PITPNC1: variants seen among roughly 807,000 people sequenced by gnomAD.
PITPNC1 encodes the protein phosphatidylinositol transfer protein cytoplasmic 1.
A neutral mutation model predicts 44.7 loss-of-function variants in PITPNC1; 18 were observed. The ratio of observed to expected loss-of-function variants is 0.40; its 90% CI spans 0.28 to 0.60. The LOEUF (loss-of-function observed/expected upper bound fraction) is 0.60, where lower values mean the gene tolerates loss of function less well. PITPNC1 is among the 20% of genes least tolerant of loss of function. The pLI is 0.39. For missense variants in PITPNC1, 290 were observed against 418.4 expected, an observed-to-expected ratio of 0.69 and a Z score of 2.68; for synonymous variants, 141 against 149.6, an observed-to-expected ratio of 0.94 and a Z score of 0.42.
intron 1 of PITPNC1, among the ~76,000 whole-genome samples, chr17:67,378,556 G>T (rs1452995454): frequency 6.6e-6 from 1 of 152,162 alleles, no homozygotes; most frequent in African/African-American, 2.4e-5. Context: ...GCTGGGGTTT[G>T]GGGGGCATCC....
At chr17:67,657,273 T>TA (rs1247358857) in intron 6 of PITPNC1, among the ~76,000 whole-genome samples, 1 of 152,118 alleles carries the variant, frequency 6.6e-6, no homozygotes, top group Non-Finnish European at 1.5e-5. Context: ...TCCTTTCCCT[T>TA]ACCTCCCTCT....
At chr17:67,622,125 T>C (rs112168416) in intron 5 of PITPNC1, among the ~76,000 whole-genome samples, 6,399 of 151,846 alleles carry the variant, frequency 0.042, 306 homozygotes, top group African/African-American at 0.11. Flanking sequence ...GGCGCGGTGG[T>C]GGGCGCCTGT....
intron 8 of PITPNC1, among the ~76,000 whole-genome samples, chr17:67,688,796 G>A (rs1348798401): frequency 3.3e-5 from 5 of 152,212 alleles, no homozygotes; most frequent in African/African-American, 1.2e-4. Flanking sequence ...AGAAGCCACA[G>A]GTAAAGAGGA....
chr17:67,478,145 T>C (rs2039656467), intron 1 of PITPNC1, among the ~76,000 whole-genome samples: 1 of 152,130 alleles, frequency 6.6e-6, no homozygotes, highest in Non-Finnish European at 1.5e-5. Flanking sequence ...GATGTTGGAT[T>C]TGGAATATTG....
At chr17:67,608,251 A>C (rs1183465476) in intron 5 of PITPNC1, among the ~76,000 whole-genome samples, 1 of 147,536 alleles carries the variant, frequency 6.8e-6, no homozygotes, top group African/African-American at 2.6e-5. Flanking sequence ...AAAAAACAAA[A>C]AAAAACAAAA....
intron 1 of PITPNC1, among the ~76,000 whole-genome samples, chr17:67,391,060 C>CGTGTGT (rs80236076): frequency 5.6e-4 from 82 of 146,896 alleles, no homozygotes; most frequent in South Asian, 1.5e-3. Context: ...ACTTTTTTAG[C>CGTGTGT]GTGTGTGTGT....
chr17:67,447,934 CTCCT>C lies in PITPNC1; in HGVS notation c.48+69747_48+69750del, dbSNP rs531462270. Among the ~76,000 whole-genome samples, 6 of 150,420 alleles carry C rather than the reference CTCCT, an allele frequency of 4.0e-5. No homozygotes were observed. The East Asian group carries it at 5.9e-4, about 15-fold the overall frequency. ...TCTCTCTCTGTCTCTCTCTTTCTTT[CTCCT>C]TCCTTCCTTCCTTCTTTCTTTCTTT... On this transcript the variant is annotated intron_variant, in intron 1 of 8. Coordinates refer to ENST00000581322, the MANE Select transcript of PITPNC1 (RefSeq NM_012417.4).
intron 6 of PITPNC1, among the ~76,000 whole-genome samples, chr17:67,633,230 GC>G (rs1370824056): frequency 5.3e-5 from 8 of 152,104 alleles, no homozygotes; most frequent in African/African-American, 1.7e-4. Flanking sequence ...TGGAATCAGG[GC>G]CCCAGACTCG....
intron 4 of PITPNC1, among the ~76,000 whole-genome samples, chr17:67,575,187 C>T (rs1415111436): frequency 1.3e-5 from 2 of 151,896 alleles, no homozygotes; most frequent in Non-Finnish European, 2.9e-5. Context: ...AATACAAAAT[C>T]GATTTACCTA....
chr17:67,385,660 A>G (rs2038035082), intron 1 of PITPNC1, among the ~76,000 whole-genome samples: 1 of 152,302 alleles, frequency 6.6e-6, no homozygotes, highest in Admixed American at 6.5e-5. Flanking sequence ...GAGCGAGACC[A>G]AGAACCCACC....
chr17:67,444,536 G>A (rs1370145835), intron 1 of PITPNC1, among the ~76,000 whole-genome samples: 1 of 152,060 alleles, frequency 6.6e-6, no homozygotes, highest in Non-Finnish European at 1.5e-5. Context: ...CAAGGGCTAA[G>A]GAAAAAACTT....
At chr17:67,404,729 A>G (rs529307917) in intron 1 of PITPNC1, among the ~76,000 whole-genome samples, 48 of 152,392 alleles carry the variant, frequency 3.1e-4, no homozygotes, top group African/African-American at 1.0e-3. Flanking sequence ...TGCTTAAACT[A>G]GTAGCTGCTG....
intron 1 of PITPNC1, chr17:67,378,911 G>A (rs1046717866): frequency 1.1e-6 from 1 of 922,772 alleles, no homozygotes; most frequent in African/African-American, 1.8e-5. Flanking sequence ...GCTCCAGCAC[G>A]TGGTGCCGGG....
chr17:67,637,969 A>G (rs9913889), intron 6 of PITPNC1: 6,196 of 152,088 alleles, frequency 0.041, 203 homozygotes, highest in African/African-American at 0.09. Context: ...TAAGAGTCAT[A>G]AAGCTGTTTG....
At chr17:67,416,699 C>T (rs1030583740) in intron 1 of PITPNC1, among the ~76,000 whole-genome samples, 2 of 152,164 alleles carry the variant, frequency 1.3e-5, no homozygotes, top group African/African-American at 4.8e-5. Flanking sequence ...TTTGCTGAAC[C>T]ACGTTCCTCT....
rs1372637640 is a variant in PITPNC1 at position 67,427,429 on chromosome 17, G to A, written c.48+49227G>A. ...GGGTTTCACTGTGTTAGCCAGGATG[G>A]TCTTGATCTCCTGACCTTGTGATCC... On this transcript the variant is annotated intron_variant, in intron 1 of 8. Transcript: ENST00000581322. Among the ~76,000 whole-genome samples the A allele has an allele frequency of 2.0e-5, 3 of 152,010 alleles. No homozygotes were observed. In the East Asian group the frequency reaches 5.8e-4, roughly 29 times the overall value.
chr17:67,638,956 A>G (rs975099373), intron 6 of PITPNC1: 1 of 152,054 alleles, frequency 6.6e-6, no homozygotes, highest in African/African-American at 2.4e-5. Context: ...ACAAAAAAAA[A>G]ATAAAAATAA....
rs1463190140 is a variant in PITPNC1 at position 67,471,064 on chromosome 17, GCGGAA to G, written c.49-61737_49-61733del. ...TCAAGTAATCAGGGACACAAACACTGCGGAAGGCCGCAGGGTCCTCTGCCTAGGAA... is the reference window on the plus strand; with the variant it reads ...TCAAGTAATCAGGGACACAAACACTGGGCCGCAGGGTCCTCTGCCTAGGAA... On this transcript the variant is annotated intron_variant, in intron 1 of 8. Transcript: ENST00000581322. Among the ~76,000 whole-genome samples, 51 of 122,468 alleles carry G rather than the reference GCGGAA, an allele frequency of 4.2e-4. 1 individual carries two copies. The East Asian group carries it at 9.0e-3, about 22-fold the overall frequency. The allele number at this position is 122,468 out of a possible 152,430, so 80.3% of individuals were successfully genotyped here.
At chr17:67,390,467 C>T (rs1265202194) in intron 1 of PITPNC1, among the ~76,000 whole-genome samples, 1 of 152,176 alleles carries the variant, frequency 6.6e-6, no homozygotes, top group Non-Finnish European at 1.5e-5. Context: ...CATATCTCTG[C>T]TTTCCGTGAG....
Sources: allele counts gnomAD v4.1 joint callset (sites outside exome capture counted in the v4.1 genomes callset), GRCh38; gene constraint gnomAD v4.1.1; transcripts MANE v1.5; gene names NCBI Gene and HGNC (gene_info 2026-07-23, HGNC 2026-07-21).